The following FBXL17 variants were observed in gnomAD, a reference collection of about 807,000 sequenced individuals.
FBXL17 encodes F-box and leucine rich repeat protein 17, also known as F-box/LRR-repeat protein 17.
Under a neutral mutation model 66.2 loss-of-function variants are expected in FBXL17, and 22 were observed. The ratio of observed to expected loss-of-function variants is 0.33; its 90% CI spans 0.24 to 0.47. The LOEUF is 0.47. Ranked by LOEUF, FBXL17 falls within the 20% of genes least tolerant of loss-of-function variation. The pLI is 1.00. For missense variants in FBXL17, 878 were observed against 948.2 expected (o/e 0.93, Z 0.97); for synonymous variants, 474 against 400.5 (o/e 1.18, Z -2.19).
intron 6 of FBXL17, among the ~76,000 whole-genome samples, chr5:108,086,631 T>C (rs1171107704): frequency 2.0e-5 from 3 of 152,198 alleles, no homozygotes; most frequent in Admixed American, 2.0e-4. Flanking sequence ...TGATCTCCGA[T>C]CACTGCGACC....
chr5:107,865,386 A>C (rs924296900), intron 8 of FBXL17, among the ~76,000 whole-genome samples: 6 of 141,334 alleles, frequency 4.2e-5, no homozygotes, highest in African/African-American at 1.7e-4. Flanking sequence ...TGTTCACTTT[A>C]GTAAATAATT....
chr5:108,055,625 A>AG (rs1268642885), intron 6 of FBXL17, among the ~76,000 whole-genome samples: 21 of 150,628 alleles, frequency 1.4e-4, no homozygotes, highest in African/African-American at 5.1e-4. Flanking sequence ...AAAAAAAAAA[A>AG]AAAAAAGAGA....
intron 7 of FBXL17, among the ~76,000 whole-genome samples, chr5:108,018,574 T>C (rs1754470506): frequency 6.6e-6 from 1 of 152,112 alleles, no homozygotes; most frequent in Middle Eastern, 3.2e-3. Context: ...TCTTCCTCAA[T>C]TGTGCGCCAA....
intron 4 of FBXL17, among the ~76,000 whole-genome samples, chr5:108,309,098 A>C (rs1032044134): frequency 6.6e-6 from 1 of 152,064 alleles, no homozygotes; most frequent in Non-Finnish European, 1.5e-5. Flanking sequence ...CCTAAATATG[A>C]AACATAATTA....
At chr5:107,996,555 T>C (rs1753481079) in intron 7 of FBXL17, among the ~76,000 whole-genome samples, 1 of 152,180 alleles carries the variant, frequency 6.6e-6, no homozygotes, top group Non-Finnish European at 1.5e-5. Context: ...TCTCAGGTGA[T>C]CCGCCCACTT....
intron 6 of FBXL17, among the ~76,000 whole-genome samples, chr5:108,182,696 GA>G (rs1180174293): frequency 1.3e-5 from 2 of 151,966 alleles, no homozygotes; most frequent in Non-Finnish European, 2.9e-5. Flanking sequence ...AGTTAAGTAG[GA>G]AAAAAATGAC....
intron 4 of FBXL17, among the ~76,000 whole-genome samples, chr5:108,288,714 G>C (rs1448058260): frequency 3.3e-5 from 5 of 151,960 alleles, no homozygotes; most frequent in Non-Finnish European, 7.4e-5. Context: ...ATGGCAGTGA[G>C]AAATTTGTGT....
At chr5:108,197,524 T>C (rs905593868) in intron 5 of FBXL17, among the ~76,000 whole-genome samples, 2 of 152,166 alleles carry the variant, frequency 1.3e-5, no homozygotes, top group African/African-American at 2.4e-5. Context: ...ATGAAAGTTT[T>C]ATAATCTTAT....
At chr5:108,302,377 A>T (rs1188492077) in intron 4 of FBXL17, among the ~76,000 whole-genome samples, 1 of 151,848 alleles carries the variant, frequency 6.6e-6, no homozygotes, top group East Asian at 1.9e-4. Flanking sequence ...TAAAAGAAAT[A>T]CATATTGCTT....
Position 107,920,950 on chromosome 5 carries a change from A to G in FBXL17, c.1823-39771T>C, listed in dbSNP as rs184500015. On this transcript the variant is annotated intron_variant, in intron 7 of 8. Coordinates refer to ENST00000542267, the MANE Select transcript of FBXL17 (RefSeq NM_001163315.3). The stretch of plus-strand genomic sequence containing the variant: ...ATGTCAGGACCATGGTTTACAATGC[A>G]TTTCTGTTTTCATAGAACTTCCTTG... 4.0e-3 allele frequency among the ~76,000 whole-genome samples: 607 copies of G among 152,304 alleles called. 5 individuals are homozygous for G. Among genetic ancestry groups the G allele is most frequent in the Non-Finnish European group, 5.5e-3 (373 of 68,024 alleles).
chr5:108,013,287 T>C (rs868769186), intron 7 of FBXL17, among the ~76,000 whole-genome samples: 17 of 152,158 alleles, frequency 1.1e-4, no homozygotes, highest in African/African-American at 3.9e-4. Flanking sequence ...ACAACAAAAA[T>C]TGGAACTTAC....
intron 6 of FBXL17, among the ~76,000 whole-genome samples, chr5:108,120,914 A>AT (rs34887784): frequency 5.6e-4 from 85 of 152,188 alleles, no homozygotes; most frequent in East Asian, 9.6e-4. Context: ...CACAATATGT[A>AT]TTTTTTTTAT....
intron 4 of FBXL17, among the ~76,000 whole-genome samples, chr5:108,291,918 T>C (rs1350638267): frequency 6.6e-6 from 1 of 152,144 alleles, no homozygotes; most frequent in Non-Finnish European, 1.5e-5. Context: ...CTCCTCTCAC[T>C]ATCACTGCCC....
At chr5:108,020,667 TGTGTGA>T in intron 7 of FBXL17, 1 of 271,318 alleles carries the variant, frequency 3.7e-6, no homozygotes, top group Non-Finnish European at 6.9e-6. Flanking sequence ...TTTTTAATTT[TGTGTGA>T]GTGTGTGTGT....
At chr5:108,356,347 G>A (rs531996368) in intron 3 of FBXL17, among the ~76,000 whole-genome samples, 2 of 152,128 alleles carry the variant, frequency 1.3e-5, no homozygotes, top group East Asian at 3.9e-4. Flanking sequence ...CAAAAAAGCT[G>A]AAAAAATTAT....
chr5:108,268,228 T>C (rs1757123366), intron 4 of FBXL17, among the ~76,000 whole-genome samples: 1 of 152,064 alleles, frequency 6.6e-6, no homozygotes, highest in South Asian at 2.1e-4. Context: ...AAGTGACACT[T>C]CTATTTTCAT....
At chr5:108,370,744 G>GAA (rs748946248) in intron 1 of FBXL17, among the ~76,000 whole-genome samples, 2 of 135,240 alleles carry the variant, frequency 1.5e-5, no homozygotes, top group Admixed American at 7.4e-5. Context: ...CTCCTTCTCG[G>GAA]AAAAAAAAAA....
intron 5 of FBXL17, among the ~76,000 whole-genome samples, chr5:108,187,014 GGTGATATATTATCAAT>G (rs1459082064): frequency 6.6e-6 from 1 of 151,984 alleles, no homozygotes; most frequent in East Asian, 1.9e-4. Flanking sequence ...GAGATAGCTT[GGTGATATATTATCAAT>G]GTACTCCAAA....
At chr5:107,952,089 G>A (rs758271992) in intron 7 of FBXL17, among the ~76,000 whole-genome samples, 8 of 130,138 alleles carry the variant, frequency 6.1e-5, no homozygotes, top group South Asian at 2.7e-4. Context: ...GCAGAACATC[G>A]ACAATAGGAA....
Sources: gnomAD v4.1 joint callset for allele counts (sites outside exome capture counted in the v4.1 genomes callset) on GRCh38, gnomAD v4.1.1 for gene constraint, MANE v1.5 for transcripts, NCBI Gene and HGNC (gene_info 2026-07-23, HGNC 2026-07-21) for gene names.